DISP2: variants seen among roughly 807,000 people sequenced by gnomAD.
The protein encoded by DISP2 is protein dispatched homolog 2.
A neutral mutation model predicts 95.5 loss-of-function variants in DISP2; 59 were observed. The ratio of observed to expected loss-of-function variants is 0.62; its 90% CI spans 0.50 to 0.77. DISP2 has a LOEUF of 0.77. DISP2 is among the 30% of genes least tolerant of loss of function. The probability of loss-of-function intolerance (pLI) is 0.00; values close to 1 mark genes in which losing one functional copy is unlikely to be tolerated. For synonymous variants in DISP2, 827 were observed against 815.0 expected (o/e 1.01, Z -0.25); for missense variants, 1,752 against 1,854.6 (o/e 0.94, Z 1.02).
intron 2 of DISP2, 102 bp from the exon 3 acceptor site, chr15:40,364,124 G>A (rs1889453871): frequency 6.4e-7 from 1 of 1,560,548 alleles, no homozygotes; most frequent in Admixed American, 1.7e-5. Flanking sequence ...TTAATACCAT[G>A]GGTTATCCCT....
Position 40,374,014 on chromosome 15 carries a change from A to AAAAAAAAAAATATATATATAT in DISP2, c.*3697_*3698insAAAAAAAAATATATATATATA. On this transcript the variant is annotated 3_prime_UTR_variant, in exon 8 of 8. Coordinates refer to ENST00000267889, the MANE Select transcript of DISP2 (RefSeq NM_033510.3). The stretch of plus-strand genomic sequence containing the variant: ...GCGAGACTCCATCTTAAAAAAAAAA[A>AAAAAAAAAAATATATATATAT]ATATATATATATATATATGTAAACT... The AAAAAAAAAAATATATATATAT allele has an allele frequency of 9.6e-6, 1 of 104,204 alleles. No homozygotes were observed. The highest frequency in any genetic ancestry group is 4.2e-5 in the African/African-American group (1 of 23,990). 6.5% of individuals were successfully genotyped at this position (104,204 alleles called of 1,614,324 possible).
chr15:40,368,293 G>T lies in DISP2; in HGVS notation c.2181G>T (p.Leu727=). The part of the protein sequence containing the change: ...GAYIAGVSPR[L]RLPTLPPPGG... ...ACATCGCCGGAGTCAGCCCCCGCCT[G>T]CGGCTGCCCACGCTGCCGCCGCCCG... Residue 727 remains leucine, a synonymous_variant, in exon 8 of 8, where the codon CTG becomes CTT. Transcript: ENST00000267889. The T allele has an allele frequency of 6.2e-7, 1 of 1,606,362 alleles. No individual in the cohort carries two copies. The highest frequency in any genetic ancestry group is 8.5e-7 in the Non-Finnish European group (1 of 1,177,436).
rs566140400 is a variant in DISP2 at position 40,367,421 on chromosome 15, C to T, written c.1309C>T (p.Leu437=). 3 of 1,613,606 alleles carry T rather than the reference C, an allele frequency of 1.9e-6. No individual in the cohort carries two copies. Among genetic ancestry groups the T allele is most frequent in the Non-Finnish European group, 2.5e-6 (3 of 1,179,944 alleles). Residue 437 remains leucine, a synonymous_variant, in exon 8 of 8, where the codon CTG becomes TTG. Transcript: ENST00000267889. The part of the protein sequence containing the change: ...DYQVPSLKYS[L]LFLPTPKGAS... ...CCAGGTGCCTTCCCTCAAGTACAGC[C>T]TGCTCTTCCTGCCCACCCCAAAGGG...
rs577072343 is a variant in DISP2, at chr15:40,358,257, G to A, written c.-65G>A. 4.7e-5 allele frequency: 40 copies of A among 857,168 alleles called. No individual in the cohort carries two copies. The highest frequency in any genetic ancestry group is 2.7e-4 in the East Asian group (4 of 14,612). The allele number at this position is 857,168 out of a possible 1,614,324, so 53.1% of individuals were successfully genotyped here. A position where few individuals can be genotyped will look rare whatever the true frequency, so the allele number is the denominator to read the frequency against. On this transcript the variant is annotated 5_prime_UTR_variant, in exon 1 of 8. Transcript: ENST00000267889. ...CCCCGCCGCCGCTGCCGCCGCCACCGCCGCCGCCGCCGCCGCCGCCGCGGC... is the reference window on the plus strand; with the variant it reads ...CCCCGCCGCCGCTGCCGCCGCCACCACCGCCGCCGCCGCCGCCGCCGCGGC...
chr15:40,363,836 C>G lies in DISP2; in HGVS notation c.331C>G (p.Leu111Val), dbSNP rs781595288. 2 of 1,611,276 alleles carry G rather than the reference C, an allele frequency of 1.2e-6. No homozygotes were observed. The highest frequency in any genetic ancestry group is 1.1e-5 in the South Asian group (1 of 90,838). ...CCAGGGGGGCAGTTCCCTGCCAGGA[C>G]TTGGGGATCGGGCAGCTCTCTGCTC... The part of the protein sequence containing the change: ...EYQGGSSLPG[L>V]GDRAALCSHG... The change falls in exon 2 of 8, where the codon CTT becomes GTT. Residue 111 changes from leucine (L) to valine (V), a missense_variant. Leu to Val is a conservative substitution (Grantham distance 32, BLOSUM62 1). Coordinates refer to ENST00000267889, the MANE Select transcript of DISP2 (RefSeq NM_033510.3).
rs748716863 is a variant in DISP2 at position 40,368,253 on chromosome 15, C to A, written c.2141C>A (p.Ala714Glu). 1 of 1,609,820 alleles carries A rather than the reference C, an allele frequency of 6.2e-7. No individual in the cohort carries two copies. Among genetic ancestry groups the A allele is most frequent in the South Asian group, 1.1e-5 (1 of 91,018 alleles). The stretch of plus-strand genomic sequence containing the variant: ...TGGATCTGCTGGTTCGCAGCACTGG[C>A]GGCAGGGGGCGCCTACATCGCCGGA... ...YIWICWFAALAAGGAYIAGVS... is the reference protein window; with the variant it reads ...YIWICWFAALEAGGAYIAGVS... Residue 714 changes from alanine to glutamate, a missense_variant, in exon 8 of 8, where the codon GCG becomes GAG. Coordinates refer to ENST00000267889, the MANE Select transcript of DISP2 (RefSeq NM_033510.3).
Position 40,370,665 on chromosome 15 carries a change from G to C in DISP2, c.*347G>C. On this transcript the variant is annotated 3_prime_UTR_variant, in exon 8 of 8. Transcript: ENST00000267889. ...GAGGCTGACCTGGCCCCCATCCCAA[G>C]TTACAAGAACTTCAGTGAGACTAAG... The C allele has an allele frequency of 1.9e-6, 1 of 518,226 alleles. No individual in the cohort carries two copies. The highest frequency in any genetic ancestry group is 3.7e-6 in the Non-Finnish European group (1 of 268,554). The allele number at this position is 518,226 out of a possible 1,614,324, so 32.1% of individuals were successfully genotyped here. A position where few individuals can be genotyped will look rare whatever the true frequency, so the allele number is the denominator to read the frequency against.
rs1889582923 is a variant in DISP2 at position 40,369,193 on chromosome 15, C to T, written c.3081C>T (p.Gly1027=). The T allele has an allele frequency of 1.4e-5, 22 of 1,613,926 alleles. No individual in the cohort carries two copies. The highest frequency in any genetic ancestry group is 1.9e-5 in the Non-Finnish European group (22 of 1,180,042). The change falls in exon 8 of 8, where the codon GGC becomes GGT. Residue 1027 remains glycine, a synonymous_variant. Coordinates refer to ENST00000267889, the MANE Select transcript of DISP2 (RefSeq NM_033510.3). Reference sequence around the variant, plus strand: ...CCCTGTTTCTCTCTGCCTCAGTGGGCCTCTCAGTAGACTTCACTGTCAACT... The same window carrying T: ...CCCTGTTTCTCTCTGCCTCAGTGGGTCTCTCAGTAGACTTCACTGTCAACT... ...AEALFLSASV[G]LSVDFTVNYC... is the part of the protein sequence containing the mutation.
chr15:40,366,118 T>C (rs576348850), intron 7 of DISP2, among the ~76,000 whole-genome samples: 1 of 152,296 alleles, frequency 6.6e-6, no homozygotes, highest in South Asian at 2.1e-4. Context: ...CAATAACATC[T>C]GAAGAAAGGT....
Position 40,368,023 on chromosome 15 carries a change from G to GC in DISP2, c.1914dup (p.Ala639ArgfsTer153). 1 of 1,532,908 alleles carries GC rather than the reference G, an allele frequency of 6.5e-7. No individual in the cohort carries two copies. Among genetic ancestry groups the GC allele is most frequent in the Non-Finnish European group, 8.7e-7 (1 of 1,145,560 alleles). The allele number at this position is 1,532,908 out of a possible 1,614,324, so 95.0% of individuals were successfully genotyped here. On this transcript the variant is annotated frameshift_variant, in exon 8 of 8. Transcript: ENST00000267889. LOFTEE classifies it high-confidence loss of function. ...ACCTGGCGCTCACGCTGGTCTGGCT[G>GC]CCCGCCTCCGCCGTGCTCCACGAGC...
Position 40,374,227 on chromosome 15 carries a change from T to TTTTTA in DISP2, c.*3909_*3910insTTTTA, listed in dbSNP as rs1889696219. On this transcript the variant is annotated 3_prime_UTR_variant, in exon 8 of 8. Coordinates refer to ENST00000267889, the MANE Select transcript of DISP2 (RefSeq NM_033510.3). ...TGAGACAATTTTTTTTTTTTTTTTTTGAGACAGAGTCTTGCTCTGTCGCCC... is the reference window on the plus strand; with the variant it reads ...TGAGACAATTTTTTTTTTTTTTTTTTTTTTAGAGACAGAGTCTTGCTCTGTCGCCC... 6.8e-6 allele frequency: 1 copy of TTTTTA among 146,894 alleles called. No homozygotes were observed. Among genetic ancestry groups the TTTTTA allele is most frequent in the African/African-American group, 2.5e-5 (1 of 39,862 alleles). 9.1% of individuals were successfully genotyped at this position (146,894 alleles called of 1,614,324 possible). A position where few individuals can be genotyped will look rare whatever the true frequency, so the allele number is the denominator to read the frequency against.
Position 40,364,940 on chromosome 15 carries a change from C to A in DISP2, c.706C>A (p.Leu236Ile). The A allele has an allele frequency of 6.2e-7, 1 of 1,614,108 alleles. No homozygotes were observed. ...GAAGCTGCTTTTCCTTTCCCCAGAC[C>A]TTGAGCTGAACAGGTAACAGGCTCT... The part of the protein sequence containing the change: ...PRKLLFLSPD[L>I]ELNSSSSHNT... Residue 236 changes from leucine (L) to isoleucine (I), a missense_variant, in exon 5 of 8, where the codon CTT becomes ATT. Leu to Ile is a conservative substitution (Grantham distance 5). This residue lies in a region of DISP2 where 342 missense variants were observed against 364.3 expected (regional missense o/e 0.94). Transcript: ENST00000267889.
intron 1 of DISP2, 110 bp from the exon 2 acceptor site, chr15:40,363,515 C>T: frequency 2.5e-6 from 2 of 808,240 alleles, no homozygotes; most frequent in Non-Finnish European, 3.7e-6. Flanking sequence ...AATAAATCAA[C>T]CCTGAGTCCC....
At chr15:40,364,123 T>A (rs769158180) in intron 2 of DISP2, 103 bp from the exon 3 acceptor site, 3 of 1,554,010 alleles carry the variant, frequency 1.9e-6, no homozygotes, top group Non-Finnish European at 2.6e-6. Flanking sequence ...GTTAATACCA[T>A]GGGTTATCCC....
chr15:40,364,826 T>A lies in DISP2; in HGVS notation c.604-12T>A, dbSNP rs752035659. On this transcript the variant is annotated splice_polypyrimidine_tract_variant and intron_variant, in intron 4 of 7. Transcript: ENST00000267889. ...CCTGCCCACCTGTTCTTCTCCACCC[T>A]CCTCCCTGCAGGGCTTTGAGCCACG... 139 of 1,612,324 alleles carry A rather than the reference T, an allele frequency of 8.6e-5. No individual in the cohort carries two copies. Among genetic ancestry groups the A allele is most frequent in the Non-Finnish European group, 1.1e-4 (133 of 1,179,052 alleles).
chr15:40,361,258 T>G (rs1011757191), intron 1 of DISP2, among the ~76,000 whole-genome samples: 1 of 152,248 alleles, frequency 6.6e-6, no homozygotes, highest in African/African-American at 2.4e-5. Context: ...ATATAGGTAG[T>G]GAGATTCTCA....
At chr15:40,365,590 C>T (rs1299355992) in intron 6 of DISP2, 38 bp from the exon 7 acceptor site, 8 of 1,610,134 alleles carry the variant, frequency 5.0e-6, no homozygotes, top group Non-Finnish European at 6.8e-6. Flanking sequence ...GACCTGGGGC[C>T]AAAGGACTGA....
chr15:40,365,105 C>A, intron 5 of DISP2, 42 bp from the exon 6 acceptor site: 2 of 1,604,272 alleles, frequency 1.2e-6, no homozygotes, highest in South Asian at 1.1e-5. Context: ...CTGAGTCTTC[C>A]AACCCTAATG....
chr15:40,365,613 G>A lies in DISP2; in HGVS notation c.848-15G>A, dbSNP rs773516182. The A allele has an allele frequency of 9.3e-6, 15 of 1,614,000 alleles. No individual in the cohort carries two copies. Among genetic ancestry groups the A allele is most frequent in the South Asian group, 3.3e-5 (3 of 91,078 alleles). The stretch of plus-strand genomic sequence containing the variant: ...GCCAAAGGACTGAGCTCCAGGTTGC[G>A]GGGGTATGTTGCAGAGAAGAGCTAT... On this transcript the variant is annotated splice_polypyrimidine_tract_variant and intron_variant, in intron 6 of 7. Coordinates refer to ENST00000267889, the MANE Select transcript of DISP2 (RefSeq NM_033510.3).
Sources: gnomAD v4.1 joint callset for allele counts (sites outside exome capture counted in the v4.1 genomes callset) on GRCh38, gnomAD v4.1.1 for gene constraint, gnomAD v4.1.1 regional missense constraint, MANE v1.5 for transcripts, NCBI Gene and HGNC (gene_info 2026-07-23, HGNC 2026-07-21) for gene names.